Variants in CALR3 observed in about 807,000 individuals in gnomAD.
The protein encoded by CALR3 is calreticulin-3.
In CALR3, 39 loss-of-function variants were observed where a neutral mutation model predicts 48.7. That is an observed-to-expected ratio of 0.80 (90% CI 0.62 to 1.05). The LOEUF is 1.05. Ranked by LOEUF, CALR3 falls within the 50% of genes least tolerant of loss-of-function variation. The pLI is 0.00. For missense variants in CALR3, 449 were observed against 474.7 expected, an observed-to-expected ratio of 0.95 and a Z score of 0.50; for synonymous variants, 185 against 172.7, an observed-to-expected ratio of 1.07 and a Z score of -0.56.
chr19:16,480,851 G>A, intron 7 of CALR3, 145 bp from the exon 8 acceptor site: 1 of 698,514 alleles, frequency 1.4e-6, no homozygotes, highest in Non-Finnish European at 2.5e-6. Context: ...TGTTGCCTAG[G>A]CTGGATTTGA....
chr19:16,488,999 G>C (rs376325083), intron 3 of CALR3, among the ~76,000 whole-genome samples: 2 of 152,214 alleles, frequency 1.3e-5, no homozygotes, highest in African/African-American at 4.8e-5. Context: ...CTGCATTCCA[G>C]TAAGACTTCA....
In CALR3 at chr19:16,493,916, C is replaced by T. The variant is rs557973722; in HGVS notation, c.193+1835G>A. On this transcript the variant is annotated intron_variant, in intron 2 of 8. Coordinates refer to ENST00000269881, the MANE Select transcript of CALR3 (RefSeq NM_145046.5). The stretch of plus-strand genomic sequence containing the variant: ...CTAATTTTTGTATTTTTAATAGAGA[C>T]GGAGTTTCGCCATGTTGGCCGGGCT... Among the ~76,000 whole-genome samples, 16 of 151,990 alleles carry T rather than the reference C, an allele frequency of 1.1e-4. 1 individual carries two copies. In the South Asian group the frequency reaches 2.5e-3, roughly 24 times the overall value.
chr19:16,484,231 G>A (rs922091764), intron 4 of CALR3, 116 bp from the exon 5 acceptor site: 43 of 981,260 alleles, frequency 4.4e-5, no homozygotes, highest in Middle Eastern at 6.4e-4. Context: ...AGGTTGGAGC[G>A]CTGTGGCACA....
chr19:16,490,847 T>A (rs1337293333), intron 2 of CALR3, among the ~76,000 whole-genome samples: 1 of 151,290 alleles, frequency 6.6e-6, no homozygotes, highest in Admixed American at 6.6e-5. Context: ...AACCTCCACC[T>A]CCCGGGTTCA....
intron 3 of CALR3, 65 bp downstream of exon 3, chr19:16,490,302 A>C: frequency 1.4e-6 from 2 of 1,415,628 alleles, no homozygotes; most frequent in East Asian, 4.5e-5. Context: ...TAGTCTAAAG[A>C]TCCTGTGAAG....
chr19:16,485,464 C>T lies in CALR3; in HGVS notation c.398-207G>A, dbSNP rs547514883. Among the ~76,000 whole-genome samples, 9 of 151,740 alleles carry T rather than the reference C, an allele frequency of 5.9e-5. No homozygotes were observed. The South Asian group carries it at 6.3e-4, about 11-fold the overall frequency. On this transcript the variant is annotated intron_variant, in intron 3 of 8. Transcript: ENST00000269881. ...CCTCCTGAGTAGCTGGGACTACAGG[C>T]GCATGCCACGATGCCCAGCTAATTT...
At position 16,495,906 on chromosome 19, in the gene CALR3, T is replaced by C. The variant is rs1599723929; in HGVS notation, c.92-54A>G. 1.4e-5 allele frequency: 22 copies of C among 1,590,778 alleles called. No homozygotes were observed. In the East Asian group the frequency reaches 2.0e-4, roughly 15 times the overall value. Reference sequence around the variant, plus strand: ...AGAGGTGATAATGGTTAATTTGGGCTAAGGGAAGGGTGAAGGGGACCCTCG... The same window carrying C: ...AGAGGTGATAATGGTTAATTTGGGCCAAGGGAAGGGTGAAGGGGACCCTCG... On this transcript the variant is annotated intron_variant, in intron 1 of 8. Coordinates refer to ENST00000269881, the MANE Select transcript of CALR3 (RefSeq NM_145046.5).
chr19:16,483,993 G>A lies in CALR3; in HGVS notation c.615C>T (p.Leu205=). ...SIEYDWNLTS[L]KKETSPAESK... Reference sequence around the variant, plus strand: ...ATTCTGCCGGGGACGTTTCCTTCTTGAGTGATGTTAAGTTCCAGTCGTACT... The same window carrying A: ...ATTCTGCCGGGGACGTTTCCTTCTTAAGTGATGTTAAGTTCCAGTCGTACT... The change falls in exon 5 of 9, where the codon CTC becomes CTT. Residue 205 remains leucine, a synonymous_variant. Coordinates refer to ENST00000269881, the MANE Select transcript of CALR3 (RefSeq NM_145046.5). 6.2e-7 allele frequency: 1 copy of A among 1,614,010 alleles called. No individual in the cohort carries two copies. The highest frequency in any genetic ancestry group is 8.5e-7 in the Non-Finnish European group (1 of 1,180,018).
intron 2 of CALR3, among the ~76,000 whole-genome samples, chr19:16,492,944 T>A (rs985356573): frequency 6.6e-6 from 1 of 151,340 alleles, no homozygotes; most frequent in African/African-American, 2.4e-5. Context: ...AGCAGGAGAA[T>A]CATTTGAACC....
At chr19:16,491,119 ATTAG>A (rs201818901) in intron 2 of CALR3, among the ~76,000 whole-genome samples, 4,029 of 144,370 alleles carry the variant, frequency 0.028, 139 homozygotes, top group Admixed American at 0.088. Context: ...ACTGTTCTTA[ATTAG>A]TTAATTAATT....
Position 16,483,942 on chromosome 19 carries a change from G to A in CALR3, c.666C>T (p.Asp222=), listed in dbSNP as rs1354750773. 2 of 1,613,968 alleles carry A rather than the reference G, an allele frequency of 1.2e-6. No homozygotes were observed. The highest frequency in any genetic ancestry group is 1.7e-5 in the Admixed American group (1 of 59,956). Residue 222 remains aspartate, a synonymous_variant, in exon 5 of 9, where the codon GAC becomes GAT. Coordinates refer to ENST00000269881, the MANE Select transcript of CALR3 (RefSeq NM_145046.5). ...AESKDWEQTK[D]NKAQDWEKHF... ...GAAAAATTCACACCTGGGCTTTGTTGTCTTTAGTCTGTTCCCAATCCTTCG... is the reference window on the plus strand; with the variant it reads ...GAAAAATTCACACCTGGGCTTTGTTATCTTTAGTCTGTTCCCAATCCTTCG...
At chr19:16,481,125 G>A (rs1259122858) in intron 7 of CALR3, among the ~76,000 whole-genome samples, 1 of 151,552 alleles carries the variant, frequency 6.6e-6, no homozygotes, top group Non-Finnish European at 1.5e-5. Context: ...CTGCACTCCC[G>A]CCTGGGTGAC....
At chr19:16,480,173 G>C (rs1478624768) in intron 8 of CALR3, among the ~76,000 whole-genome samples, 1 of 129,348 alleles carries the variant, frequency 7.7e-6, no homozygotes, top group Admixed American at 9.4e-5. Flanking sequence ...CTGTACTTCA[G>C]CCTGGCGACA....
chr19:16,493,758 T>C (rs1316453924), intron 2 of CALR3, among the ~76,000 whole-genome samples: 6 of 151,864 alleles, frequency 4.0e-5, no homozygotes, highest in African/African-American at 1.5e-4. Flanking sequence ...GACAGAGTCT[T>C]GCTCGGTTAT....
Position 16,480,622 on chromosome 19 carries a change from C to T in CALR3, c.1003G>A (p.Glu335Lys), listed in dbSNP as rs199535524. 3.5e-5 allele frequency: 57 copies of T among 1,609,196 alleles called. No individual in the cohort carries two copies. Among genetic ancestry groups the T allele is most frequent in the Middle Eastern group, 1.6e-4 (1 of 6,070 alleles). Residue 335 changes from glutamate (E) to lysine (K), a missense_variant, in exon 8 of 9, where the codon GAA becomes AAA. By Grantham distance (56) the Glu-to-Lys change is moderately conservative. Coordinates refer to ENST00000269881, the MANE Select transcript of CALR3 (RefSeq NM_145046.5). ...AATCACGTGCTTCATACCTTGGTTT[C>T]GCCCCAGGTGGCCTTGCCAAAATTA... is the stretch of plus-strand genomic sequence containing the variant. The part of the protein sequence containing the change: ...ADNFGKATWG[E>K]TKGPEREMDA...
chr19:16,489,101 A>C (rs987667148), intron 3 of CALR3, among the ~76,000 whole-genome samples: 4 of 152,388 alleles, frequency 2.6e-5, no homozygotes, highest in African/African-American at 9.6e-5. Context: ...TAAAAACGTA[A>C]AAAACATTTT....
chr19:16,483,608 T>G (rs566138320), intron 5 of CALR3, among the ~76,000 whole-genome samples: 25,555 of 151,870 alleles, frequency 0.17, 2,198 homozygotes, highest in African/African-American at 0.2. Context: ...ATCCCAGGTA[T>G]TCGGGAGGCT....
chr19:16,482,768 A>C lies in CALR3; in HGVS notation c.696T>G (p.Phe232Leu). 6.2e-7 allele frequency: 1 copy of C among 1,613,362 alleles called. No homozygotes were observed. The highest frequency in any genetic ancestry group is 1.7e-5 in the Admixed American group (1 of 59,990). Residue 232 changes from phenylalanine to leucine, a missense_variant, in exon 6 of 9, where the codon TTT (phenylalanine) becomes TTG (leucine). By Grantham distance (22) the Phe-to-Leu change is conservative. Coordinates refer to ENST00000269881, the MANE Select transcript of CALR3 (RefSeq NM_145046.5). ...TCTGCTTGCTGGTGCTGGCGTCCAG[A>C]AAATGCTTCTCCCAGTCCTTCAAAG... Reference protein sequence around the residue: ...DNKAQDWEKHFLDASTSKQSD... With the variant: ...DNKAQDWEKHLLDASTSKQSD...
In CALR3 at chr19:16,485,200, T is replaced by G. The variant is rs761162376; in HGVS notation, c.455A>C (p.Asn152Thr). ...KKVHVILHFK[N>T]KYHENKKLIR... ...CAGTTTCTTGTTTTCGTGATACTTATTCTTGAAATGTAAAATAACATGAAC... is the reference window on the plus strand; with the variant it reads ...CAGTTTCTTGTTTTCGTGATACTTAGTCTTGAAATGTAAAATAACATGAAC... Residue 152 changes from asparagine (N) to threonine (T), a missense_variant, in exon 4 of 9, where the codon AAT becomes ACT. Asn to Thr is a moderately conservative substitution (Grantham distance 65). Coordinates refer to ENST00000269881, the MANE Select transcript of CALR3 (RefSeq NM_145046.5). The G allele has an allele frequency of 1.9e-6, 3 of 1,610,646 alleles. No homozygotes were observed. Among genetic ancestry groups the G allele is most frequent in the Non-Finnish European group, 2.5e-6 (3 of 1,177,070 alleles).
Sources: gnomAD v4.1 joint callset for allele counts (sites outside exome capture counted in the v4.1 genomes callset) on GRCh38, gnomAD v4.1.1 for gene constraint, MANE v1.5 for transcripts, NCBI Gene and HGNC (gene_info 2026-07-23, HGNC 2026-07-21) for gene names.